Variants in ARHGAP26 observed in about 807,000 individuals in gnomAD.
ARHGAP26 encodes rho GTPase-activating protein 26.
Under a neutral mutation model 104.8 loss-of-function variants are expected in ARHGAP26, and 38 were observed. The ratio of observed to expected loss-of-function variants is 0.36; its 90% CI spans 0.28 to 0.48. The LOEUF is 0.48. Among genes scored for constraint, ARHGAP26 ranks in the 20% least tolerant of loss-of-function variants. The pLI, the probability that ARHGAP26 is intolerant of heterozygous loss-of-function variation, is 0.99. For synonymous variants in ARHGAP26, 341 were observed against 340.0 expected (o/e 1.00, Z -0.03); for missense variants, 704 against 947.9 (o/e 0.74, Z 3.38).
chr5:143,079,124 C>T (rs1462752869), intron 17 of ARHGAP26, among the ~76,000 whole-genome samples: 1 of 152,238 alleles, frequency 6.6e-6, no homozygotes, highest in East Asian at 1.9e-4. Flanking sequence ...CCTCCTTTAA[C>T]TTGTGCTCTC....
At chr5:142,808,129 G>C (rs1408299498) in intron 1 of ARHGAP26, among the ~76,000 whole-genome samples, 2 of 151,124 alleles carry the variant, frequency 1.3e-5, no homozygotes, top group African/African-American at 4.9e-5. Context: ...CAGCTACTCG[G>C]GAGGCTGAGG....
rs1305021814 is a variant in ARHGAP26, at chr5:142,879,419, C to T, written c.358C>T (p.Arg120Ter). The T allele has an allele frequency of 1.2e-6, 2 of 1,613,744 alleles. No homozygotes were observed. The highest frequency in any genetic ancestry group is 1.7e-5 in the Admixed American group (1 of 59,950). ...EVLITPLEKF[R>*]KEQIGAAKEA... The stretch of plus-strand genomic sequence containing the variant: ...GCTCATCACTCCCTTGGAGAAGTTT[C>T]GAAAGGAACAGATCGGGGCTGCCAA... The change falls in exon 4 of 23, where the codon CGA becomes TGA. Residue 120 changes from arginine (R) to a stop codon, truncating the protein, a stop_gained. Coordinates refer to ENST00000645722, the MANE Select transcript of ARHGAP26 (RefSeq NM_001135608.3). LOFTEE classifies it high-confidence loss of function.
intron 5 of ARHGAP26, among the ~76,000 whole-genome samples, chr5:142,892,867 C>T (rs1441760708): frequency 6.6e-6 from 1 of 152,102 alleles, no homozygotes; most frequent in Non-Finnish European, 1.5e-5. Context: ...CACCGTACAT[C>T]AGTTAGCCAT....
intron 1 of ARHGAP26, among the ~76,000 whole-genome samples, chr5:142,854,433 C>T (rs58502249): frequency 0.017 from 2,573 of 152,244 alleles, 77 homozygotes; most frequent in African/African-American, 0.059. Flanking sequence ...GTTTGGGGAA[C>T]GTAAGGACTA....
At chr5:142,850,426 A>G (rs1278330456) in intron 1 of ARHGAP26, among the ~76,000 whole-genome samples, 4 of 152,166 alleles carry the variant, frequency 2.6e-5, no homozygotes, top group Non-Finnish European at 5.9e-5. Flanking sequence ...TGCAACCAGC[A>G]TTAAAAACAA....
intron 1 of ARHGAP26, among the ~76,000 whole-genome samples, chr5:142,775,302 A>T (rs889745640): frequency 4.6e-5 from 7 of 152,108 alleles, no homozygotes; most frequent in African/African-American, 1.4e-4. Flanking sequence ...CCATCCTACT[A>T]GGTGTGTAGT....
intron 20 of ARHGAP26, among the ~76,000 whole-genome samples, chr5:143,157,699 C>T (rs1195496544): frequency 6.6e-6 from 1 of 152,154 alleles, no homozygotes; most frequent in East Asian, 1.9e-4. Flanking sequence ...TAATGGATGG[C>T]ATTACTATGG....
chr5:143,075,637 A>C (rs1315010718), intron 17 of ARHGAP26, among the ~76,000 whole-genome samples: 1 of 152,190 alleles, frequency 6.6e-6, no homozygotes, highest in African/African-American at 2.4e-5. Context: ...AAGTTTGGGA[A>C]CTACTGCTAA....
In ARHGAP26 at chr5:142,890,148, AAAAATATATATATAT is replaced by A. The variant is rs1464849567; in HGVS notation, c.487-4088_487-4074del. On this transcript the variant is annotated intron_variant, in intron 5 of 22. Coordinates refer to ENST00000645722, the MANE Select transcript of ARHGAP26 (RefSeq NM_001135608.3). ...CGAAACTCCGTCTTAAAAAAAAAAAAAAAATATATATATATATATATATATATATATATATATATA... is the reference window on the plus strand; with the variant it reads ...CGAAACTCCGTCTTAAAAAAAAAAAAATATATATATATATATATATATATA... 7.7e-3 allele frequency among the ~76,000 whole-genome samples: 635 copies of A among 82,940 alleles called. 2 individuals carry two copies. Among genetic ancestry groups the A allele is most frequent in the Non-Finnish European group, 0.011 (511 of 44,940 alleles). The allele number at this position is 82,940 out of a possible 152,430, so 54.4% of individuals were successfully genotyped here.
intron 11 of ARHGAP26, among the ~76,000 whole-genome samples, chr5:142,945,709 A>G (rs905604268): frequency 6.6e-6 from 1 of 152,234 alleles, no homozygotes; most frequent in Non-Finnish European, 1.5e-5. Flanking sequence ...ATGTTACAAA[A>G]ATATTACAAA....
intron 11 of ARHGAP26, among the ~76,000 whole-genome samples, chr5:142,966,519 A>G (rs536468983): frequency 6.6e-6 from 1 of 152,220 alleles, no homozygotes; most frequent in Non-Finnish European, 1.5e-5. Flanking sequence ...TTTCATGAGT[A>G]TGAATAATAA....
At chr5:143,069,362 A>G (rs911437950) in intron 17 of ARHGAP26, among the ~76,000 whole-genome samples, 13 of 152,096 alleles carry the variant, frequency 8.5e-5, no homozygotes, top group Non-Finnish European at 1.6e-4. Flanking sequence ...TATTTGTTGA[A>G]TAAGTGAATG....
intron 11 of ARHGAP26, among the ~76,000 whole-genome samples, chr5:142,977,688 G>A (rs779883101): frequency 6.6e-6 from 1 of 152,240 alleles, no homozygotes; most frequent in Non-Finnish European, 1.5e-5. Flanking sequence ...TCCTGGTTAA[G>A]AAAGAAGATG....
intron 20 of ARHGAP26, among the ~76,000 whole-genome samples, chr5:143,188,103 G>A (rs1805417915): frequency 6.6e-6 from 1 of 152,236 alleles, no homozygotes; most frequent in African/African-American, 2.4e-5. Context: ...CAGTGGATAA[G>A]AAGCTTACAC....
At chr5:142,890,196 A>ATG (rs1758457679) in intron 5 of ARHGAP26, among the ~76,000 whole-genome samples, 1 of 121,276 alleles carries the variant, frequency 8.2e-6, no homozygotes, top group East Asian at 2.6e-4. Flanking sequence ...ATATATATAT[A>ATG]TGAAAGTGCA....
intron 14 of ARHGAP26, among the ~76,000 whole-genome samples, chr5:143,051,767 G>A (rs1355517100): frequency 6.6e-6 from 1 of 152,148 alleles, no homozygotes; most frequent in African/African-American, 2.4e-5. Context: ...TACAGAGCCC[G>A]AATAAGTGGA....
chr5:142,885,426 TAA>T, intron 5 of ARHGAP26, 27 bp downstream of exon 5: 2 of 1,580,158 alleles, frequency 1.3e-6, no homozygotes, highest in African/African-American at 1.4e-5. Flanking sequence ...GTATCCTGAA[TAA>T]AGTGTTCAAT....
rs1756621139 is a variant in ARHGAP26, at chr5:142,879,459, A to G, written c.384+14A>G. 1 of 1,608,254 alleles carries G rather than the reference A, an allele frequency of 6.2e-7. No homozygotes were observed. Among genetic ancestry groups the G allele is most frequent in the African/African-American group, 1.3e-5 (1 of 74,622 alleles). ...GGGGCTGCCAAGGTGAGAATTTTGC[A>G]AGCTTTGGTCTGGATTTTAGGGTGA... On this transcript the variant is annotated intron_variant, in intron 4 of 22. Transcript: ENST00000645722.
chr5:143,088,844 AAG>A (rs1790985262), intron 17 of ARHGAP26, among the ~76,000 whole-genome samples: 1 of 152,160 alleles, frequency 6.6e-6, no homozygotes, highest in Non-Finnish European at 1.5e-5. Flanking sequence ...GGCTAATTTA[AAG>A]AGAGTGACGG....
Sources: allele counts gnomAD v4.1 joint callset (sites outside exome capture counted in the v4.1 genomes callset), GRCh38; gene constraint gnomAD v4.1.1; transcripts MANE v1.5; gene names NCBI Gene and HGNC (gene_info 2026-07-23, HGNC 2026-07-21).